The following PDS5B variants were observed in gnomAD, a reference collection of about 807,000 sequenced individuals.
The protein encoded by PDS5B is sister chromatid cohesion protein PDS5 homolog B.
In PDS5B, 51 loss-of-function variants were observed where a neutral mutation model predicts 184.1. That is an observed-to-expected ratio of 0.28 (90% CI 0.22 to 0.35). The LOEUF (loss-of-function observed/expected upper bound fraction) is 0.35, where lower values mean the gene tolerates loss of function less well. PDS5B is among the 10% of genes least tolerant of loss of function. The probability of loss-of-function intolerance (pLI) is 1.00; values close to 1 mark genes in which losing one functional copy is unlikely to be tolerated. For missense variants in PDS5B, 1,180 were observed against 1,723.3 expected, an observed-to-expected ratio of 0.68 and a Z score of 5.58; for synonymous variants, 566 against 569.2, an observed-to-expected ratio of 0.99 and a Z score of 0.08.
intron 1 of PDS5B, among the ~76,000 whole-genome samples, chr13:32,608,480 A>T (rs1421190485): frequency 6.6e-6 from 1 of 152,166 alleles, no homozygotes; most frequent in South Asian, 2.1e-4. Context: ...TGATATATAT[A>T]TTTTTAACGA....
Position 32,695,896 on chromosome 13 carries a change from A to G in PDS5B, c.1552-958A>G, listed in dbSNP as rs147469302. On this transcript the variant is annotated intron_variant, in intron 14 of 34. Coordinates refer to ENST00000315596, the MANE Select transcript of PDS5B (RefSeq NM_015032.4). ...GGAATTTTCTTTTTGCTTGTCTTAA[A>G]ATAATTACCCAGTTATCCACAGTAA... Among the ~76,000 whole-genome samples the G allele has an allele frequency of 5.3e-4, 80 of 152,152 alleles. 2 individuals are homozygous for G. Among genetic ancestry groups the G allele is most frequent in the East Asian group, 4.6e-3 (24 of 5,178 alleles).
intron 1 of PDS5B, among the ~76,000 whole-genome samples, chr13:32,625,295 T>C (rs1437883859): frequency 6.6e-6 from 1 of 152,142 alleles, no homozygotes. Flanking sequence ...CTCTGCAGCC[T>C]TGAACTCCTG....
intron 6 of PDS5B, among the ~76,000 whole-genome samples, chr13:32,666,046 A>G (rs934665390): frequency 3.3e-5 from 5 of 152,158 alleles, no homozygotes; most frequent in African/African-American, 1.2e-4. Context: ...ACAAAAATAC[A>G]GTTAGATAGA....
intron 24 of PDS5B, among the ~76,000 whole-genome samples, chr13:32,750,712 T>C (rs1020152301): frequency 2.6e-4 from 39 of 152,114 alleles, no homozygotes; most frequent in Non-Finnish European, 5.0e-4. Flanking sequence ...TGGCTAATTA[T>C]TGTATTTTCA....
intron 19 of PDS5B, among the ~76,000 whole-genome samples, chr13:32,714,272 G>A (rs1025998578): frequency 7.2e-5 from 11 of 152,206 alleles, no homozygotes; most frequent in African/African-American, 1.4e-4. Context: ...AGGAGACAGC[G>A]TTTTGAGATC....
intron 1 of PDS5B, among the ~76,000 whole-genome samples, chr13:32,603,687 G>T (rs190788481): frequency 6.6e-6 from 1 of 152,066 alleles, no homozygotes; most frequent in African/African-American, 2.4e-5. Flanking sequence ...TACCTTGGGC[G>T]GTATGGCCAT....
chr13:32,720,476 A>G (rs977342390), intron 19 of PDS5B, among the ~76,000 whole-genome samples: 1 of 152,226 alleles, frequency 6.6e-6, no homozygotes, highest in Admixed American at 6.5e-5. Context: ...CAGAGAAACA[A>G]ACTATACTAG....
intron 19 of PDS5B, among the ~76,000 whole-genome samples, chr13:32,721,380 G>A (rs1209214973): frequency 6.6e-6 from 1 of 151,564 alleles, no homozygotes; most frequent in East Asian, 2.0e-4. Context: ...GGTGGCTGCC[G>A]GGCGGGGGTG....
chr13:32,766,073 A>T (rs934422742), intron 31 of PDS5B, among the ~76,000 whole-genome samples: 1 of 152,220 alleles, frequency 6.6e-6, no homozygotes, highest in African/African-American at 2.4e-5. Flanking sequence ...TGGAAAAGGT[A>T]TTATGTCTTC....
intron 20 of PDS5B, among the ~76,000 whole-genome samples, chr13:32,734,261 A>G (rs540209314): frequency 1.3e-5 from 2 of 152,176 alleles, no homozygotes; most frequent in East Asian, 1.9e-4. Flanking sequence ...TCCTGACCTC[A>G]GGTGATCTGC....
At chr13:32,630,142 A>G (rs561946339) in intron 1 of PDS5B, among the ~76,000 whole-genome samples, 163 of 152,326 alleles carry the variant, frequency 1.1e-3, no homozygotes, top group Non-Finnish European at 2.0e-3. Context: ...GTTAGAGAAT[A>G]CACCACAAGC....
intron 21 of PDS5B, among the ~76,000 whole-genome samples, chr13:32,738,830 T>G (rs1219125293): frequency 6.6e-6 from 1 of 151,812 alleles, no homozygotes; most frequent in Non-Finnish European, 1.5e-5. Context: ...CACCACCATG[T>G]CCACCTAGTT....
At chr13:32,602,049 AAAAC>A (rs140783139) in intron 1 of PDS5B, among the ~76,000 whole-genome samples, 51,117 of 151,740 alleles carry the variant, frequency 0.34, 8,788 homozygotes, top group Non-Finnish European at 0.37. Flanking sequence ...GAATGCATTC[AAAAC>A]AATGTTTTTC....
intron 19 of PDS5B, among the ~76,000 whole-genome samples, chr13:32,718,933 G>A (rs180814475): frequency 2.6e-5 from 4 of 152,292 alleles, no homozygotes; most frequent in East Asian, 1.9e-4. Context: ...GAAAAGGTAC[G>A]TTACCTAGTA....
At chr13:32,641,973 T>C (rs1031193332) in intron 1 of PDS5B, among the ~76,000 whole-genome samples, 3 of 152,186 alleles carry the variant, frequency 2.0e-5, no homozygotes, top group Non-Finnish European at 4.4e-5. Flanking sequence ...TAGTACTTAG[T>C]GTATTGCACC....
chr13:32,710,891 T>C (rs1240827008), intron 19 of PDS5B, among the ~76,000 whole-genome samples: 1 of 152,236 alleles, frequency 6.6e-6, no homozygotes, highest in African/African-American at 2.4e-5. Flanking sequence ...TAGCTCGCAA[T>C]TAGAGTTTCA....
At chr13:32,741,682 T>C (rs2140973132) in intron 22 of PDS5B, among the ~76,000 whole-genome samples, 1 of 148,320 alleles carries the variant, frequency 6.7e-6, no homozygotes, top group East Asian at 2.0e-4. Flanking sequence ...CTGTAATTTC[T>C]TATAAACCCT....
Position 32,710,076 on chromosome 13 carries a change from A to C in PDS5B, c.2093A>C (p.Lys698Thr). The C allele has an allele frequency of 6.5e-7, 1 of 1,533,182 alleles. No homozygotes were observed. The highest frequency in any genetic ancestry group is 1.3e-5 in the South Asian group (1 of 76,180). 95.0% of individuals were successfully genotyped at this position (1,533,182 alleles called of 1,614,324 possible). ...ALQIFKNTGS[K>T]IEEDFPHIRS... ...CAAATTTTCAAAAACACAGGAAGCA[A>C]AATTGAAGAGGATTTTCCACACATC... is the stretch of plus-strand genomic sequence containing the variant. Residue 698 changes from lysine to threonine, a missense_variant, in exon 19 of 35, where the codon AAA (lysine) becomes ACA (threonine). Physicochemically the swap from Lys to Thr is moderately conservative, Grantham distance 78. Around this residue, in one of 11 missense-constraint regions of PDS5B, gnomAD observed 475 missense variants for 691.5 expected, o/e 0.69. Coordinates refer to ENST00000315596, the MANE Select transcript of PDS5B (RefSeq NM_015032.4).
chr13:32,758,230 C>A lies in PDS5B; in HGVS notation c.3189+11C>A. The A allele has an allele frequency of 1.3e-6, 2 of 1,507,880 alleles. No homozygotes were observed. The highest frequency in any genetic ancestry group is 1.3e-5 in the South Asian group (1 of 77,052). 93.4% of individuals were successfully genotyped at this position (1,507,880 alleles called of 1,614,324 possible). A position where few individuals can be genotyped will look rare whatever the true frequency, so the allele number is the denominator to read the frequency against. On this transcript the variant is annotated intron_variant, in intron 27 of 34. Coordinates refer to ENST00000315596, the MANE Select transcript of PDS5B (RefSeq NM_015032.4). ...GCAAAAATGAATGAAGTATGTAATTCTTTGTAAATAATTATGGTTCCATAT... is the reference window on the plus strand; with the variant it reads ...GCAAAAATGAATGAAGTATGTAATTATTTGTAAATAATTATGGTTCCATAT...
Sources: gnomAD v4.1 joint callset for allele counts (sites outside exome capture counted in the v4.1 genomes callset) on GRCh38, gnomAD v4.1.1 for gene constraint, gnomAD v4.1.1 regional missense constraint, MANE v1.5 for transcripts, NCBI Gene and HGNC (gene_info 2026-07-23, HGNC 2026-07-21) for gene names.